The following PPM1L variants were observed in gnomAD, a reference collection of about 807,000 sequenced individuals.
The protein encoded by PPM1L is protein phosphatase, Mg2+/Mn2+ dependent 1L.
In PPM1L, 13 loss-of-function variants were observed where a neutral mutation model predicts 31.4. That is an observed-to-expected ratio of 0.41 (90% CI 0.27 to 0.66). The LOEUF (loss-of-function observed/expected upper bound fraction) is 0.66. PPM1L is among the 30% of genes least tolerant of loss of function. The pLI, the probability that PPM1L is intolerant of heterozygous loss-of-function variation, is 0.29. For synonymous variants in PPM1L, 184 were observed against 175.4 expected (o/e 1.05, Z -0.39); for missense variants, 326 against 453.7 (o/e 0.72, Z 2.56).
chr3:160,840,721 A>AGAGAGAGAGAGAGAGAGAAG (rs1317875518), intron 1 of PPM1L, among the ~76,000 whole-genome samples: 1 of 139,404 alleles, frequency 7.2e-6, no homozygotes, highest in African/African-American at 3.1e-5. Context: ...TCTCCAGGGG[A>AGAGAGAGAGAGAGAGAGAAG]GAGAGAGAGA....
intron 1 of PPM1L, among the ~76,000 whole-genome samples, chr3:160,856,094 C>T (rs532496440): frequency 1.3e-4 from 20 of 151,936 alleles, no homozygotes; most frequent in Non-Finnish European, 2.5e-4. Flanking sequence ...GAAGACTAAA[C>T]CAGCTTAGTC....
At chr3:160,824,330 A>C (rs1434381521) in intron 1 of PPM1L, among the ~76,000 whole-genome samples, 5 of 152,162 alleles carry the variant, frequency 3.3e-5, no homozygotes, top group Admixed American at 6.6e-5. Flanking sequence ...TAGAACTATG[A>C]GAAATCAATT....
intron 1 of PPM1L, among the ~76,000 whole-genome samples, chr3:160,929,672 G>C (rs1169005339): frequency 1.3e-5 from 2 of 152,132 alleles, no homozygotes; most frequent in Non-Finnish European, 2.9e-5. Flanking sequence ...CCCATATCCT[G>C]GTTTTCAGCA....
intron 1 of PPM1L, among the ~76,000 whole-genome samples, chr3:160,889,536 G>C (rs925350913): frequency 5.3e-5 from 8 of 152,178 alleles, no homozygotes; most frequent in African/African-American, 1.9e-4. Context: ...AAAAGCCCAG[G>C]ACCAGATGGA....
chr3:160,867,979 TA>T (rs2108027054), intron 1 of PPM1L, among the ~76,000 whole-genome samples: 1 of 152,274 alleles, frequency 6.6e-6, no homozygotes, highest in East Asian at 1.9e-4. Flanking sequence ...GAAAAAAACT[TA>T]AGTTGGTTTT....
At chr3:160,948,525 A>G (rs1715480147) in intron 1 of PPM1L, among the ~76,000 whole-genome samples, 1 of 152,184 alleles carries the variant, frequency 6.6e-6, no homozygotes, top group Non-Finnish European at 1.5e-5. Flanking sequence ...GTGTTTTCAC[A>G]GTGCTTTGCC....
At chr3:160,872,346 CT>C (rs1712338047) in intron 1 of PPM1L, among the ~76,000 whole-genome samples, 1 of 152,124 alleles carries the variant, frequency 6.6e-6, no homozygotes, top group African/African-American at 2.4e-5. Context: ...CTTTTTGCTA[CT>C]TTTTTCTCCC....
chr3:160,955,990 C>T (rs1459501217), intron 1 of PPM1L, among the ~76,000 whole-genome samples: 2 of 152,092 alleles, frequency 1.3e-5, no homozygotes, highest in Non-Finnish European at 2.9e-5. Context: ...AAACATTTAG[C>T]AGCTCTTGAA....
intron 1 of PPM1L, among the ~76,000 whole-genome samples, chr3:160,876,167 A>G (rs970288718): frequency 1.3e-4 from 20 of 152,218 alleles, no homozygotes; most frequent in African/African-American, 4.6e-4. Flanking sequence ...AAAATAACCT[A>G]TCCTTCATGA....
chr3:160,781,404 G>T (rs16831457), intron 1 of PPM1L, among the ~76,000 whole-genome samples: 18,873 of 152,066 alleles, frequency 0.12, 2,114 homozygotes, highest in African/African-American at 0.3. Context: ...GATCTTCCTC[G>T]CCAAATAGGT....
At chr3:160,884,612 T>C (rs1712845269) in intron 1 of PPM1L, among the ~76,000 whole-genome samples, 2 of 152,138 alleles carry the variant, frequency 1.3e-5, no homozygotes, top group African/African-American at 4.8e-5. Context: ...ACCTTGTACT[T>C]GAGTAGAATT....
chr3:161,053,485 G>A (rs1380483854), intron 2 of PPM1L, among the ~76,000 whole-genome samples: 1 of 152,196 alleles, frequency 6.6e-6, no homozygotes, highest in Admixed American at 6.5e-5. Context: ...GCACCCAAGT[G>A]TGAAATAAAC....
intron 1 of PPM1L, among the ~76,000 whole-genome samples, chr3:160,851,391 A>G (rs867059833): frequency 1.3e-5 from 2 of 152,200 alleles, no homozygotes; most frequent in Admixed American, 6.5e-5. Flanking sequence ...AGGCCAAACT[A>G]TGTTGAAAAT....
chr3:160,971,734 A>G (rs1001472380), intron 2 of PPM1L, among the ~76,000 whole-genome samples: 8 of 152,018 alleles, frequency 5.3e-5, no homozygotes, highest in Non-Finnish European at 1.2e-4. Context: ...ATACAGACCA[A>G]TTCTTGCCTT....
Position 160,756,507 on chromosome 3 carries a change from A to G in PPM1L, c.199A>G (p.Met67Val). ...KMVKGKVAEI[M>V]QNDRLGGLDV... is the part of the protein sequence containing the mutation. ...GGTGAAGGGCAAGGTAGCCGAGATC[A>G]TGCAGAACGATCGACTCGGGGGGCT... Residue 67 changes from methionine to valine, a missense_variant, in exon 1 of 4, where the codon ATG becomes GTG. This residue lies in a region of PPM1L where 83 missense variants were observed against 79.4 expected (regional missense o/e 1.04). Coordinates refer to ENST00000498165, the MANE Select transcript of PPM1L (RefSeq NM_139245.4). This position sits in a 1 kb window ranked among gnomAD's most constrained non-coding sequence, Gnocchi z 6.2. 1 of 1,614,146 alleles carries G rather than the reference A, an allele frequency of 6.2e-7. No homozygotes were observed. Among genetic ancestry groups the G allele is most frequent in the Non-Finnish European group, 8.5e-7 (1 of 1,180,016 alleles).
At chr3:161,035,639 A>G (rs562889444) in intron 2 of PPM1L, among the ~76,000 whole-genome samples, 66 of 152,356 alleles carry the variant, frequency 4.3e-4, no homozygotes, top group African/African-American at 1.5e-3. Context: ...CAGAGGTAAG[A>G]TTGCTTTATT....
intron 1 of PPM1L, among the ~76,000 whole-genome samples, chr3:160,814,052 G>T (rs1291807478): frequency 6.6e-6 from 1 of 152,144 alleles, no homozygotes; most frequent in Non-Finnish European, 1.5e-5. Context: ...TTTAAAAACT[G>T]CAACTGACGG....
intron 2 of PPM1L, among the ~76,000 whole-genome samples, chr3:161,038,190 C>T (rs1475236008): frequency 1.3e-4 from 19 of 145,818 alleles, no homozygotes; most frequent in Admixed American, 5.5e-4. Context: ...GCCGAGATCC[C>T]GCCGCTGCAC....
chr3:161,052,215 G>C (rs1165711686), intron 2 of PPM1L, among the ~76,000 whole-genome samples: 1 of 152,180 alleles, frequency 6.6e-6, no homozygotes, highest in East Asian at 1.9e-4. Flanking sequence ...CTATTCCCAG[G>C]AAAGCAAGTT....
Sources: gnomAD v4.1 joint callset for allele counts (sites outside exome capture counted in the v4.1 genomes callset) on GRCh38, gnomAD v4.1.1 for gene constraint, gnomAD v4.1.1 regional missense constraint, Gnocchi (gnomAD v3.1) non-coding constraint, MANE v1.5 for transcripts, NCBI Gene and HGNC (gene_info 2026-07-23, HGNC 2026-07-21) for gene names.